MAPK4: variants seen among roughly 807,000 people sequenced by gnomAD.
MAPK4 encodes the protein Erk3-related.
MAPK4 carries 22 observed loss-of-function variants against 47.7 expected under a neutral mutation model. That is an observed-to-expected ratio of 0.46 (90% confidence interval 0.33 to 0.66). The LOEUF (loss-of-function observed/expected upper bound fraction) is 0.66. MAPK4 is among the 30% of genes least tolerant of loss of function. The pLI is 0.02. For missense variants in MAPK4, 736 were observed against 831.7 expected, an observed-to-expected ratio of 0.88 and a Z score of 1.42; for synonymous variants, 390 against 365.7, an observed-to-expected ratio of 1.07 and a Z score of -0.76.
chr18:50,660,376 T>C (rs1457322065), intron 1 of MAPK4, among the ~76,000 whole-genome samples: 1 of 152,174 alleles, frequency 6.6e-6, no homozygotes, highest in Admixed American at 6.5e-5. Flanking sequence ...TGTTGTGAGA[T>C]GCGCCCTTTG....
chr18:50,657,308 C>T (rs951291588), intron 1 of MAPK4, among the ~76,000 whole-genome samples: 31 of 152,308 alleles, frequency 2.0e-4, no homozygotes, highest in Non-Finnish European at 3.4e-4. Context: ...TGGGAGATGA[C>T]ATCACCTCCT....
intron 1 of MAPK4, among the ~76,000 whole-genome samples, chr18:50,575,257 T>A (rs1414254137): frequency 6.6e-6 from 1 of 152,232 alleles, no homozygotes; most frequent in Non-Finnish European, 1.5e-5. Flanking sequence ...AAGCAGAGAC[T>A]AGACCCTCAC....
intron 2 of MAPK4, among the ~76,000 whole-genome samples, chr18:50,714,248 A>T (rs545046150): frequency 4.6e-5 from 7 of 152,202 alleles, no homozygotes; most frequent in Non-Finnish European, 1.0e-4. Flanking sequence ...GGGAATTCAA[A>T]TGGACATTTC....
intron 1 of MAPK4, among the ~76,000 whole-genome samples, chr18:50,606,962 G>A (rs1370427881): frequency 6.6e-6 from 1 of 152,208 alleles, no homozygotes; most frequent in Non-Finnish European, 1.5e-5. Flanking sequence ...CGTGAGCCGA[G>A]TCCCTGTCAA....
chr18:50,608,527 C>T (rs972025023), intron 1 of MAPK4, among the ~76,000 whole-genome samples: 2 of 152,126 alleles, frequency 1.3e-5, no homozygotes, highest in Admixed American at 1.3e-4. Flanking sequence ...TTGTTCTAAA[C>T]TCACTTCATG....
chr18:50,717,183 T>G lies in MAPK4; in HGVS notation c.691+1960T>G, dbSNP rs138717543. On this transcript the variant is annotated intron_variant, in intron 3 of 5. Coordinates refer to ENST00000400384, the MANE Select transcript of MAPK4 (RefSeq NM_002747.4). ...CACTGCCCTTGTTGTCAGCCTGTCC[T>G]CCCCACATCCACCCTGGACTTTGTG... Among the ~76,000 whole-genome samples the G allele has an allele frequency of 1.3e-3, 193 of 152,248 alleles. 7 individuals carry two copies. In the East Asian group the frequency reaches 0.027, roughly 22 times the overall value.
chr18:50,729,230 C>T lies in MAPK4; in HGVS notation c.1140C>T (p.Arg380=), dbSNP rs774969624. The T allele has an allele frequency of 1.1e-5, 17 of 1,607,796 alleles. No individual in the cohort carries two copies. Among genetic ancestry groups the T allele is most frequent in the Non-Finnish European group, 1.4e-5 (16 of 1,176,030 alleles). The change falls in exon 6 of 6, where the codon CGC becomes CGT. Residue 380 remains arginine, a synonymous_variant. Transcript: ENST00000400384. ...DRCQDASEVQ[R]DPRAGSAPLA... is the part of the protein sequence containing the mutation. ...GCCAGGACGCCAGCGAGGTACAGCG[C>T]GACCCGCGCGCGGGTTCGGCGCCAC...
intron 1 of MAPK4, among the ~76,000 whole-genome samples, chr18:50,655,209 C>T (rs938812009): frequency 6.6e-6 from 1 of 152,226 alleles, no homozygotes; most frequent in Non-Finnish European, 1.5e-5. Flanking sequence ...ACCACAGGCT[C>T]ACACGTCCCA....
intron 1 of MAPK4, among the ~76,000 whole-genome samples, chr18:50,567,353 C>T (rs529532428): frequency 1.3e-5 from 2 of 152,166 alleles, no homozygotes; most frequent in African/African-American, 2.4e-5. Context: ...CTTAGAAGCT[C>T]GTTAATTTAC....
chr18:50,593,116 C>G (rs2042452529), intron 1 of MAPK4, among the ~76,000 whole-genome samples: 1 of 152,252 alleles, frequency 6.6e-6, no homozygotes. Context: ...GGAACACAGG[C>G]AACCAGCCTC....
intron 1 of MAPK4, among the ~76,000 whole-genome samples, chr18:50,658,625 G>T (rs1394816090): frequency 6.6e-6 from 1 of 152,236 alleles, no homozygotes; most frequent in Non-Finnish European, 1.5e-5. Flanking sequence ...AGATGCAAGT[G>T]GGGTTGCGGA....
Position 50,664,455 on chromosome 18 carries a change from T to C in MAPK4, c.497T>C (p.Ile166Thr). The C allele has an allele frequency of 6.2e-7, 1 of 1,612,068 alleles. No homozygotes were observed. The highest frequency in any genetic ancestry group is 8.5e-7 in the Non-Finnish European group (1 of 1,178,596). Residue 166 changes from isoleucine to threonine, a missense_variant, in exon 2 of 6, where the codon ATT (isoleucine) becomes ACT (threonine). By Grantham distance (89) the Ile-to-Thr change is moderately conservative (BLOSUM62 -1). Coordinates refer to ENST00000400384, the MANE Select transcript of MAPK4 (RefSeq NM_002747.4). This position sits in a 1 kb window ranked among gnomAD's most constrained non-coding sequence, Gnocchi z 6.0. ...AGCACAGAGGACCTCGTGCTCAAGA[T>C]TGGGGATTTCGGGTTGGCAAGGATC... ...FISTEDLVLK[I>T]GDFGLARIVD... is the part of the protein sequence containing the mutation.
intron 1 of MAPK4, among the ~76,000 whole-genome samples, chr18:50,642,536 G>A (rs181169331): frequency 3.3e-4 from 50 of 152,256 alleles, no homozygotes; most frequent in African/African-American, 1.0e-3. Context: ...AAGTAATAAG[G>A]CCTATGAGGA....
chr18:50,693,096 AG>A (rs1381226282), intron 2 of MAPK4, among the ~76,000 whole-genome samples: 4 of 151,832 alleles, frequency 2.6e-5, no homozygotes, highest in South Asian at 2.1e-4. Flanking sequence ...TCTCTACTAA[AG>A]AAAATACAAA....
At chr18:50,636,604 T>C (rs1292021778) in intron 1 of MAPK4, among the ~76,000 whole-genome samples, 1 of 152,218 alleles carries the variant, frequency 6.6e-6, no homozygotes, top group Non-Finnish European at 1.5e-5. Context: ...ACATGACATG[T>C]CTGCTTTGCC....
chr18:50,585,544 C>A (rs1317162458), intron 1 of MAPK4, among the ~76,000 whole-genome samples: 1 of 152,112 alleles, frequency 6.6e-6, no homozygotes, highest in East Asian at 1.9e-4. Flanking sequence ...GCAAGTCCCC[C>A]ATAATGTGCA....
intron 1 of MAPK4, among the ~76,000 whole-genome samples, chr18:50,660,676 G>A (rs936119852): frequency 2.6e-5 from 4 of 152,346 alleles, no homozygotes; most frequent in African/African-American, 7.2e-5. Flanking sequence ...TGAGAACCAG[G>A]ATGGATGCTT....
intron 1 of MAPK4, among the ~76,000 whole-genome samples, chr18:50,565,477 T>C (rs1477681225): frequency 6.6e-6 from 1 of 152,206 alleles, no homozygotes; most frequent in Non-Finnish European, 1.5e-5. Flanking sequence ...AGTACGTTGA[T>C]TCAAACTTTT....
chr18:50,588,085 C>T (rs561774210), intron 1 of MAPK4, among the ~76,000 whole-genome samples: 25 of 149,284 alleles, frequency 1.7e-4, no homozygotes, highest in Non-Finnish European at 2.5e-4. Context: ...CGTGGTAGAA[C>T]GAAGAGGCAT....
Sources: allele counts gnomAD v4.1 joint callset (sites outside exome capture counted in the v4.1 genomes callset), GRCh38; gene constraint gnomAD v4.1.1; non-coding constraint Gnocchi (gnomAD v3.1); transcripts MANE v1.5; gene names NCBI Gene and HGNC (gene_info 2026-07-23, HGNC 2026-07-21).